MATCAP2: variants seen among roughly 807,000 people sequenced by gnomAD.
MATCAP2 encodes the protein putative tyrosine carboxypeptidase MATCAP2.
chr7:36,339,088 T>C, the MATCAP2 span, among the ~76,000 whole-genome samples: 2 of 152,392 alleles, frequency 1.3e-5, no homozygotes, highest in African/African-American at 4.8e-5. Context: ...CTTGAGACTA[T>C]GTCTCAGGCC....
chr7:36,366,764 C>A, the MATCAP2 span: 72 of 1,534,738 alleles, frequency 4.7e-5, no homozygotes, highest in Non-Finnish European at 6.1e-5. Context: ...AGGTTTTTCG[C>A]GAGCGCCTCC....
the MATCAP2 span, among the ~76,000 whole-genome samples, chr7:36,335,531 G>A: frequency 6.6e-6 from 1 of 152,220 alleles, no homozygotes; most frequent in African/African-American, 2.4e-5. Flanking sequence ...GCAGCACCAA[G>A]GCTTTGAGAC....
chr7:36,382,130 T>C, the MATCAP2 span, among the ~76,000 whole-genome samples: 1 of 144,564 alleles, frequency 6.9e-6, no homozygotes, highest in African/African-American at 2.5e-5. Context: ...CTGTCTCCAC[T>C]AAAAAAAAAA....
the MATCAP2 span, among the ~76,000 whole-genome samples, chr7:36,374,491 G>C: frequency 6.6e-6 from 1 of 152,068 alleles, no homozygotes; most frequent in East Asian, 1.9e-4. Context: ...TACGTTCTAA[G>C]AACAAGATTC....
chr7:36,324,307 C>A, the MATCAP2 span: 363 of 152,246 alleles, frequency 2.4e-3, 1 homozygote, highest in African/African-American at 7.7e-3. Context: ...AAATTTTAAA[C>A]ACTTTTACAA....
At chr7:36,389,353 G>T in the MATCAP2 span, among the ~76,000 whole-genome samples, 9 of 151,784 alleles carry the variant, frequency 5.9e-5, no homozygotes, top group African/African-American at 1.5e-4. Context: ...CCAACACAAG[G>T]GCTCTTAATC....
At chr7:36,329,743 G>A in the MATCAP2 span, among the ~76,000 whole-genome samples, 2 of 152,152 alleles carry the variant, frequency 1.3e-5, no homozygotes, top group African/African-American at 2.4e-5. Context: ...GGTTATTAGG[G>A]AATAGTCCAT....
the MATCAP2 span, among the ~76,000 whole-genome samples, chr7:36,386,768 A>T: frequency 6.6e-6 from 1 of 152,222 alleles, no homozygotes; most frequent in African/African-American, 2.4e-5. Flanking sequence ...AAGAATGGCA[A>T]AATTTAAAAT....
chr7:36,377,309 T>C, the MATCAP2 span, among the ~76,000 whole-genome samples: 15 of 152,184 alleles, frequency 9.9e-5, no homozygotes, highest in Non-Finnish European at 1.8e-4. Context: ...GTGACAAAAT[T>C]TCTCAGCATT....
chr7:36,390,219 C>G, the MATCAP2 span: 1 of 1,006,318 alleles, frequency 9.9e-7, no homozygotes, highest in South Asian at 1.5e-5. Flanking sequence ...TTGGTGGGTT[C>G]CTCTGAGATT....
the MATCAP2 span, among the ~76,000 whole-genome samples, chr7:36,335,852 C>T: frequency 6.6e-6 from 1 of 152,204 alleles, no homozygotes; most frequent in African/African-American, 2.4e-5. Flanking sequence ...AGGCGGATGA[C>T]CTGAGGTCAG....
the MATCAP2 span, among the ~76,000 whole-genome samples, chr7:36,364,843 G>A: frequency 6.6e-6 from 1 of 152,214 alleles, no homozygotes; most frequent in African/African-American, 2.4e-5. Flanking sequence ...ATTTAAGAGA[G>A]AAAGTAGTCT....
the MATCAP2 span, chr7:36,335,180 T>A: frequency 1.9e-6 from 3 of 1,613,614 alleles, no homozygotes; most frequent in East Asian, 2.2e-5. Flanking sequence ...AACTACAATC[T>A]AAGGGGCAAG....
chr7:36,380,798 C>T, the MATCAP2 span, among the ~76,000 whole-genome samples: 13 of 152,302 alleles, frequency 8.5e-5, no homozygotes, highest in East Asian at 1.9e-4. Context: ...GGCACGGTCT[C>T]GGCTCACTGC....
the MATCAP2 span, among the ~76,000 whole-genome samples, chr7:36,375,677 T>C: frequency 6.6e-6 from 1 of 152,206 alleles, no homozygotes; most frequent in Admixed American, 6.5e-5. Context: ...CAGCTCCTCT[T>C]TGTACCTCTG....
the MATCAP2 span, among the ~76,000 whole-genome samples, chr7:36,332,091 T>C: frequency 7.2e-5 from 11 of 152,138 alleles, no homozygotes; most frequent in East Asian, 1.9e-4. Flanking sequence ...CATTCTTTTG[T>C]ATACATTTGA....
At chr7:36,336,293 A>G in the MATCAP2 span, 1 of 1,520,890 alleles carries the variant, frequency 6.6e-7, no homozygotes, top group East Asian at 2.5e-5. Context: ...CATAATATTG[A>G]TAGACTGTAA....
At chr7:36,340,439 C>T in the MATCAP2 span, among the ~76,000 whole-genome samples, 1 of 152,184 alleles carries the variant, frequency 6.6e-6, no homozygotes, top group Non-Finnish European at 1.5e-5. Flanking sequence ...CACAATGGTA[C>T]ATAACAGCAT....
At chr7:36,385,857 T>TAAAATA in the MATCAP2 span, among the ~76,000 whole-genome samples, 1 of 149,164 alleles carries the variant, frequency 6.7e-6, no homozygotes, top group Admixed American at 6.7e-5. Flanking sequence ...TAAAATAAGA[T>TAAAATA]AAAGAAAGAA....
Sources: allele counts gnomAD v4.1 joint callset (sites outside exome capture counted in the v4.1 genomes callset), GRCh38; gene constraint gnomAD v4.1.1; transcripts MANE v1.5; gene names NCBI Gene and HGNC (gene_info 2026-07-23, HGNC 2026-07-21).